AKAP4: variants seen among roughly 807,000 people sequenced by gnomAD.
AKAP4 encodes the protein A-kinase anchor protein 4.
AKAP4 carries 4 observed loss-of-function variants against 42.6 expected under a neutral mutation model. The observed-to-expected ratio is 0.09, with a 90% CI of 0.05 to 0.22. The LOEUF (loss-of-function observed/expected upper bound fraction) is 0.22, where lower values mean the gene tolerates loss of function less well. Ranked by LOEUF, AKAP4 falls within the 10% of genes least tolerant of loss-of-function variation. The pLI, the probability that AKAP4 is intolerant of heterozygous loss-of-function variation, is 1.00. For synonymous variants in AKAP4, 223 were observed against 233.0 expected (o/e 0.96, Z 0.39); for missense variants, 551 against 630.7 (o/e 0.87, Z 1.35).
At position 50,192,427 on chromosome X, in the gene AKAP4, A is replaced by G; in HGVS notation, c.2286T>C (p.Asn762=). The change falls in exon 5 of 6, where the codon AAT becomes AAC. Residue 762 remains asparagine (N), a synonymous_variant. Coordinates refer to ENST00000358526, the MANE Select transcript of AKAP4 (RefSeq NM_003886.3). Reference sequence around the variant, plus strand: ...GCAAGCTATTTGTAGAGCACTGATTATTGACAATTACTTCATGTCCAAGAG... The same window carrying G: ...GCAAGCTATTTGTAGAGCACTGATTGTTGACAATTACTTCATGTCCAAGAG... ...QDSLGHEVIV[N]NQCSTNSLQK... is the part of the protein sequence containing the mutation. 2 of 1,206,550 alleles carry G rather than the reference A, an allele frequency of 1.7e-6. No homozygotes were observed. Among genetic ancestry groups the G allele is most frequent in the Non-Finnish European group, 2.2e-6 (2 of 892,677 alleles).
intron 3 of AKAP4, 32 bp downstream of exon 3, chrX:50,197,512 A>C: frequency 8.6e-7 from 1 of 1,157,755 alleles, no homozygotes; most frequent in African/African-American, 1.8e-5. Flanking sequence ...GCAGCTTCCC[A>C]CCGATTCTGA....
intron 2 of AKAP4, among the ~76,000 whole-genome samples, chrX:50,198,129 C>T (rs1456673785): frequency 1.8e-5 from 2 of 111,274 alleles, no homozygotes; most frequent in Non-Finnish European, 1.9e-5. Context: ...AACATCAAAC[C>T]TGGGATATTA....
chrX:50,193,624 T>C lies in AKAP4; in HGVS notation c.1089A>G (p.Ala363=). The C allele has an allele frequency of 8.3e-7, 1 of 1,211,726 alleles. No homozygotes were observed. Among genetic ancestry groups the C allele is most frequent in the Non-Finnish European group, 1.1e-6 (1 of 895,487 alleles). ...GCAACACCCTCTTCAGGACCACAGA[T>C]GCTGGAATTGGCTTCCCAGAGCTGT... ...KVHSSGKPIP[A]SVVLKRVLLR... The change falls in exon 5 of 6, where the codon GCA becomes GCG. Residue 363 remains alanine, a synonymous_variant. Transcript: ENST00000358526.
Position 50,197,538 on chromosome X carries a change from A to G in AKAP4, c.174+6T>C. The G allele has an allele frequency of 8.3e-7, 1 of 1,202,075 alleles. No individual in the cohort carries two copies. The highest frequency in any genetic ancestry group is 1.1e-6 in the Non-Finnish European group (1 of 888,148). On this transcript the variant is annotated splice_donor_region_variant and intron_variant, in intron 3 of 5. Coordinates refer to ENST00000358526, the MANE Select transcript of AKAP4 (RefSeq NM_003886.3). ...CCGATTCTGACTCTGAGCAGAGAAT[A>G]CGCACCTTGTAATCTTTATCTTCTA...
intron 4 of AKAP4, among the ~76,000 whole-genome samples, chrX:50,196,549 C>A (rs782047561): frequency 9.0e-6 from 1 of 111,378 alleles, no homozygotes; most frequent in African/African-American, 3.3e-5. Flanking sequence ...TGCTCCATAC[C>A]CCTCTTTCTT....
chrX:50,192,815 A>C lies in AKAP4; in HGVS notation c.1898T>G (p.Leu633Arg), dbSNP rs781948063. The stretch of plus-strand genomic sequence containing the variant: ...GTTCTCATTAAGCAGTTTCTGAATC[A>C]GCATTAGAACGATGTTTGACATATC... ...KMDMSNIVLM[L>R]IQKLLNENPF... is the part of the protein sequence containing the mutation. Residue 633 changes from leucine (L) to arginine (R), a missense_variant, in exon 5 of 6, where the codon CTG becomes CGG. Leu to Arg is a moderately radical substitution (Grantham distance 102). Transcript: ENST00000358526. 2.4e-4 allele frequency: 287 copies of C among 1,210,234 alleles called. No homozygotes were observed. Among genetic ancestry groups the C allele is most frequent in the Non-Finnish European group, 3.1e-4 (275 of 895,339 alleles).
rs1935159358 is a variant in AKAP4, at chrX:50,194,191, G to A, written c.522C>T (p.Asn174=). 2 of 1,211,570 alleles carry A rather than the reference G, an allele frequency of 1.7e-6. No individual in the cohort carries two copies. The highest frequency in any genetic ancestry group is 3.0e-5 in the East Asian group (1 of 33,786). Residue 174 remains asparagine (N), a synonymous_variant, in exon 5 of 6, where the codon AAC becomes AAT. Transcript: ENST00000358526. ...TAGCTGCTGTCATTTCTAGACGTAG[G>A]TTTTGAGGTCTGTTCATCAAATAAT... ...NIDYLMNRPQ[N]LRLEMTAAKN... is the part of the protein sequence containing the mutation.
At position 50,193,705 on chromosome X, in the gene AKAP4, A is replaced by G. The variant is rs1557204026; in HGVS notation, c.1008T>C (p.Tyr336=). 3 of 1,211,480 alleles carry G rather than the reference A, an allele frequency of 2.5e-6. No homozygotes were observed. The East Asian group carries it at 8.9e-5, about 36-fold the overall frequency. The part of the protein sequence containing the change: ...ADSISKGLMV[Y]ANQVASDMMV... ...TCATGTCAGATGCCACCTGATTTGC[A>G]TAAACCATGAGCCCCTTGCTGATGG... Residue 336 remains tyrosine, a synonymous_variant, in exon 5 of 6, where the codon TAT becomes TAC. Transcript: ENST00000358526.
At chrX:50,197,167 C>T (rs1356717522) in intron 3 of AKAP4, among the ~76,000 whole-genome samples, 175 bp from the exon 4 acceptor site, 1 of 110,652 alleles carries the variant, frequency 9.0e-6, no homozygotes, top group Non-Finnish European at 1.9e-5. Flanking sequence ...GACGAAGTTC[C>T]CTCCACAAAT....
rs1557203984 is a variant in AKAP4 at position 50,193,561 on chromosome X, A to G, written c.1152T>C (p.Asp384=). The change falls in exon 5 of 6, where the codon GAT becomes GAC. Residue 384 remains aspartate, a synonymous_variant. Transcript: ENST00000358526. ...TATTATGCAGGTTCTTCATGCAAGA[A>G]TCAATCAAATCGGACACAATCTCCT... ...HTKEIVSDLI[D]SCMKNLHNIT... is the part of the protein sequence containing the mutation. 1 of 1,210,228 alleles carries G rather than the reference A, an allele frequency of 8.3e-7. No homozygotes were observed. Among genetic ancestry groups the G allele is most frequent in the Non-Finnish European group, 1.1e-6 (1 of 895,354 alleles).
At position 50,194,229 on chromosome X, in the gene AKAP4, G is replaced by C. The variant is rs782092542; in HGVS notation, c.484C>G (p.Gln162Glu). The change falls in exon 5 of 6, where the codon CAA becomes GAA. Residue 162 changes from glutamine to glutamate, a missense_variant. Coordinates refer to ENST00000358526, the MANE Select transcript of AKAP4 (RefSeq NM_003886.3). ...TTCATCAAATAATCTATGTTCACTTGATCGGCATAGACACTGTAGCAGTTC... is the reference window on the plus strand; with the variant it reads ...TTCATCAAATAATCTATGTTCACTTCATCGGCATAGACACTGTAGCAGTTC... ...SENCYSVYADQVNIDYLMNRP... is the reference protein window; with the variant it reads ...SENCYSVYADEVNIDYLMNRP... 4 of 1,210,472 alleles carry C rather than the reference G, an allele frequency of 3.3e-6. No homozygotes were observed. In the South Asian group the frequency reaches 7.0e-5, roughly 21 times the overall value.
At chrX:50,191,952 C>G (rs1206540262) in intron 5 of AKAP4, among the ~76,000 whole-genome samples, 1 of 111,322 alleles carries the variant, frequency 9.0e-6, no homozygotes, top group African/African-American at 3.3e-5. Flanking sequence ...TAGGGAAGAA[C>G]TCCATTTTCC....
At chrX:50,200,215 T>G in intron 1 of AKAP4, 1 of 753,254 alleles carries the variant, frequency 1.3e-6, no homozygotes, top group African/African-American at 2.3e-5. Flanking sequence ...AAAATAAAAT[T>G]TATGAACTCA....
In AKAP4 at chrX:50,193,173, T is replaced by G. The variant is rs1557203913; in HGVS notation, c.1540A>C (p.Asn514His). ...GCTTTGGTAGCCACCTTGCATGAGT[T>G]TCCTTGCTTTTGGTTCCAGATGGTT... ...GLTIWNQKQG[N>H]SCKVATKACS... Residue 514 changes from asparagine to histidine, a missense_variant, in exon 5 of 6, where the codon AAC becomes CAC. Coordinates refer to ENST00000358526, the MANE Select transcript of AKAP4 (RefSeq NM_003886.3). 3.3e-6 allele frequency: 4 copies of G among 1,211,918 alleles called. No individual in the cohort carries two copies. Among genetic ancestry groups the G allele is most frequent in the Non-Finnish European group, 4.5e-6 (4 of 895,574 alleles).
chrX:50,198,213 T>A (rs1935215111), intron 2 of AKAP4, among the ~76,000 whole-genome samples: 1 of 111,703 alleles, frequency 9.0e-6, no homozygotes, highest in Non-Finnish European at 1.9e-5. Context: ...AAAATACATA[T>A]TAATTAAATA....
chrX:50,197,440 T>G, intron 3 of AKAP4, 104 bp downstream of exon 3: 1 of 685,442 alleles, frequency 1.5e-6, no homozygotes, highest in Non-Finnish European at 2.2e-6. Context: ...AGTCCCCTCC[T>G]CCTTTCCCCT....
Position 50,191,011 on chromosome X carries a change from C to T in AKAP4, c.2514G>A (p.Val838=). Residue 838 remains valine, a synonymous_variant, in exon 6 of 6, where the codon GTG becomes GTA. Coordinates refer to ENST00000358526, the MANE Select transcript of AKAP4 (RefSeq NM_003886.3). ...FAKERQPDEA[V]GKVARKQLLD... ...GCAACTGTTTCCTGGCCACCTTTCC[C>T]ACAGCTTCATCTGGTTGCCGTTCCT... 1 of 1,211,309 alleles carries T rather than the reference C, an allele frequency of 8.3e-7. No homozygotes were observed. Among genetic ancestry groups the T allele is most frequent in the Non-Finnish European group, 1.1e-6 (1 of 895,430 alleles).
chrX:50,196,747 G>A (rs944958928), intron 4 of AKAP4, 144 bp downstream of exon 4: 23 of 430,890 alleles, frequency 5.3e-5, no homozygotes, highest in Middle Eastern at 5.1e-4. Context: ...TTGAACTTAC[G>A]CCTGTGTTCT....
At chrX:50,194,915 CAT>C (rs1935170554) in intron 4 of AKAP4, among the ~76,000 whole-genome samples, 1 of 111,599 alleles carries the variant, frequency 9.0e-6, no homozygotes, top group South Asian at 3.7e-4. Flanking sequence ...TATAGGCTGA[CAT>C]GTGCATGTTA....
Sources: allele counts gnomAD v4.1 joint callset (sites outside exome capture counted in the v4.1 genomes callset), GRCh38; gene constraint gnomAD v4.1.1; transcripts MANE v1.5; gene names NCBI Gene and HGNC (gene_info 2026-07-23, HGNC 2026-07-21).